DISC1: variants seen among roughly 807,000 people sequenced by gnomAD.
DISC1 encodes the protein disrupted in schizophrenia 1 protein.
Under a neutral mutation model 84.5 loss-of-function variants are expected in DISC1, and 57 were observed. The observed-to-expected ratio is 0.67, with a 90% CI of 0.55 to 0.84. DISC1 has a LOEUF of 0.84. Ranked by LOEUF, DISC1 falls within the 40% of genes least tolerant of loss-of-function variation. The pLI, the probability that DISC1 is intolerant of heterozygous loss-of-function variation, is 0.00. For synonymous variants in DISC1, 411 were observed against 415.2 expected (o/e 0.99, Z 0.12); for missense variants, 1,000 against 1,057.8 (o/e 0.95, Z 0.76).
At chr1:231,966,232 A>G (rs368556208) in intron 10 of DISC1, among the ~76,000 whole-genome samples, 3 of 152,032 alleles carry the variant, frequency 2.0e-5, no homozygotes, top group African/African-American at 4.8e-5. Context: ...CTTGCCATCA[A>G]ATCTTAGTGG....
At chr1:231,717,234 C>T (rs949373348) in intron 3 of DISC1, among the ~76,000 whole-genome samples, 4 of 151,994 alleles carry the variant, frequency 2.6e-5, no homozygotes, top group Admixed American at 6.6e-5. Context: ...CTGCAAGTCT[C>T]GGAAATAAAA....
At chr1:231,658,186 G>C (rs527305786) in intron 1 of DISC1, among the ~76,000 whole-genome samples, 40 of 152,208 alleles carry the variant, frequency 2.6e-4, no homozygotes, top group Non-Finnish European at 5.0e-4. Context: ...TCCTTGAAGA[G>C]GTCCTTCACT....
At chr1:231,646,308 C>T (rs918699799) in intron 1 of DISC1, among the ~76,000 whole-genome samples, 1 of 151,914 alleles carries the variant, frequency 6.6e-6, no homozygotes, top group Non-Finnish European at 1.5e-5. Flanking sequence ...CCAGCTTCAT[C>T]CATGTCCCTA....
intron 9 of DISC1, among the ~76,000 whole-genome samples, chr1:231,861,630 C>G (rs74144153): frequency 0.033 from 4,982 of 151,970 alleles, 279 homozygotes; most frequent in African/African-American, 0.11. Context: ...TTTTAACTTG[C>G]TTTATGTTTT....
intron 9 of DISC1, chr1:231,854,906 G>T: frequency 1.9e-6 from 1 of 517,416 alleles, no homozygotes; most frequent in South Asian, 1.7e-5. Context: ...AGTAGAGATG[G>T]GGTTTTACCA....
At position 232,009,014 on chromosome 1, in the gene DISC1, C is replaced by G. The variant is rs1439417009; in HGVS notation, c.2272C>G (p.Pro758Ala). Reference protein sequence around the residue: ...VLEEWKTHLIPSLHCAGGEQK... With the variant: ...VLEEWKTHLIASLHCAGGEQK... ...GGAAGAATGGAAGACTCACCTCATC[C>G]CCTCTCTGCACTGTGCTGGAGGTGA... is the stretch of plus-strand genomic sequence containing the variant. The change falls in exon 11 of 13, where the codon CCC (proline) becomes GCC (alanine). Residue 758 changes from proline (P) to alanine (A), a missense_variant. This residue lies in a region of DISC1 where 397 missense variants were observed against 377.5 expected (regional missense o/e 1.05). Transcript: ENST00000439617. This position sits in a 1 kb window ranked among gnomAD's most constrained non-coding sequence, Gnocchi z 4.6. 6.2e-7 allele frequency: 1 copy of G among 1,613,874 alleles called. No individual in the cohort carries two copies. Among genetic ancestry groups the G allele is most frequent in the Non-Finnish European group, 8.5e-7 (1 of 1,179,828 alleles).
chr1:231,992,993 A>C (rs1489689163), intron 10 of DISC1, among the ~76,000 whole-genome samples: 1 of 152,208 alleles, frequency 6.6e-6, no homozygotes, highest in East Asian at 1.9e-4. Flanking sequence ...CCAGAGATCA[A>C]GGCAGAATGT....
At chr1:231,759,557 C>A (rs899655299) in intron 4 of DISC1, among the ~76,000 whole-genome samples, 375 of 86,050 alleles carry the variant, frequency 4.4e-3, no homozygotes, top group Middle Eastern at 0.01. Flanking sequence ...AAAAACAAAA[C>A]TAGCCAAATG....
chr1:231,989,159 A>G (rs1432434446), intron 10 of DISC1, among the ~76,000 whole-genome samples: 1 of 152,210 alleles, frequency 6.6e-6, no homozygotes, highest in African/African-American at 2.4e-5. Flanking sequence ...TTTTAGAATG[A>G]CCATGAAGTA....
intron 8 of DISC1, among the ~76,000 whole-genome samples, chr1:231,813,049 C>T (rs1013788676): frequency 4.6e-5 from 7 of 152,094 alleles, no homozygotes; most frequent in African/African-American, 1.7e-4. Flanking sequence ...AAGAAAGGGC[C>T]TAGGCTTTAA....
intron 11 of DISC1, among the ~76,000 whole-genome samples, chr1:232,022,595 C>T (rs1245089275): frequency 2.6e-5 from 4 of 152,054 alleles, no homozygotes; most frequent in Non-Finnish European, 4.4e-5. Context: ...CGTGAGCCAC[C>T]GCACCCAGCC....
chr1:231,944,284 CTTCTTCTGGAAGGAAGGGTCAGGT>C (rs1309006611), intron 9 of DISC1, among the ~76,000 whole-genome samples: 1 of 152,168 alleles, frequency 6.6e-6, no homozygotes, highest in Non-Finnish European at 1.5e-5. Context: ...TGCCCAGATC[CTTCTTCTGGAAGGAAGGGTCAGGT>C]TTCTGCAGCT....
intron 10 of DISC1, among the ~76,000 whole-genome samples, chr1:232,002,125 T>C (rs758648752): frequency 1.3e-5 from 2 of 152,008 alleles, no homozygotes; most frequent in Non-Finnish European, 2.9e-5. Flanking sequence ...CGTGAAAAGA[T>C]AGTCAACATC....
chr1:231,714,647 TAGAG>T (rs2068428661), intron 3 of DISC1, among the ~76,000 whole-genome samples: 1 of 128,860 alleles, frequency 7.8e-6, no homozygotes, highest in Non-Finnish European at 1.7e-5. Flanking sequence ...GAGAAAGAGA[TAGAG>T]AAAGAGACAA....
intron 3 of DISC1, among the ~76,000 whole-genome samples, chr1:231,737,707 A>T (rs2125238991): frequency 6.6e-6 from 1 of 152,332 alleles, no homozygotes; most frequent in Admixed American, 6.5e-5. Context: ...ACATATTTTG[A>T]AATAATTCTG....
intron 11 of DISC1, among the ~76,000 whole-genome samples, chr1:232,016,363 A>T (rs1046315743): frequency 2.0e-5 from 3 of 152,180 alleles, no homozygotes; most frequent in African/African-American, 7.2e-5. Flanking sequence ...TTTCTTATAC[A>T]AAAGGGCCTT....
chr1:231,717,384 A>G (rs189349130), intron 3 of DISC1, among the ~76,000 whole-genome samples: 1 of 152,292 alleles, frequency 6.6e-6, no homozygotes, highest in Non-Finnish European at 1.5e-5. Flanking sequence ...TGGTGTTGGT[A>G]GTGGTAGCTG....
intron 10 of DISC1, among the ~76,000 whole-genome samples, chr1:232,008,251 A>T (rs1215142476): frequency 6.6e-6 from 1 of 152,266 alleles, no homozygotes; most frequent in Non-Finnish European, 1.5e-5. Context: ...TAGAATTGTC[A>T]TAAATACTCT....
At chr1:231,798,111 C>T (rs2125626743) in intron 7 of DISC1, among the ~76,000 whole-genome samples, 1 of 26,022 alleles carries the variant, frequency 3.8e-5, no homozygotes, top group East Asian at 1.1e-3. Context: ...GTGTTAGACA[C>T]ACCACACACA....
Sources: allele counts gnomAD v4.1 joint callset (sites outside exome capture counted in the v4.1 genomes callset), GRCh38; gene constraint gnomAD v4.1.1; regional missense constraint gnomAD v4.1.1; non-coding constraint Gnocchi (gnomAD v3.1); transcripts MANE v1.5; gene names NCBI Gene and HGNC (gene_info 2026-07-23, HGNC 2026-07-21).